The following LARGE1 variants were observed in gnomAD, a reference collection of about 807,000 sequenced individuals.
LARGE1 encodes xylosyl- and glucuronyltransferase LARGE1.
A neutral mutation model predicts 87.6 loss-of-function variants in LARGE1; 43 were observed. The ratio of observed to expected loss-of-function variants is 0.49; its 90% CI spans 0.38 to 0.63. The LOEUF is 0.63. Among genes scored for constraint, LARGE1 ranks in the 30% least tolerant of loss-of-function variants. The probability of loss-of-function intolerance (pLI) is 0.00; values close to 1 mark genes in which losing one functional copy is unlikely to be tolerated. For missense variants in LARGE1, 802 were observed against 1,000.2 expected, an observed-to-expected ratio of 0.80 and a Z score of 2.67; for synonymous variants, 434 against 394.6, an observed-to-expected ratio of 1.10 and a Z score of -1.18.
intron 1 of LARGE1, among the ~76,000 whole-genome samples, chr22:33,905,664 A>G (rs1406992967): frequency 6.6e-6 from 1 of 152,234 alleles, no homozygotes; most frequent in Non-Finnish European, 1.5e-5. Context: ...AAGTTTCAAC[A>G]CGTAAAAGAC....
chr22:33,302,064 C>A (rs1934222129), intron 12 of LARGE1, among the ~76,000 whole-genome samples: 1 of 152,154 alleles, frequency 6.6e-6, no homozygotes, highest in South Asian at 2.1e-4. Flanking sequence ...GGGGTCCAAT[C>A]CTGAAGCCTC....
At chr22:33,613,763 C>T (rs1034459210) in intron 4 of LARGE1, among the ~76,000 whole-genome samples, 6 of 152,222 alleles carry the variant, frequency 3.9e-5, no homozygotes, top group African/African-American at 9.6e-5. Flanking sequence ...GCATTCACTG[C>T]TGCATCCTAG....
intron 9 of LARGE1, among the ~76,000 whole-genome samples, chr22:33,349,223 C>T (rs757886403): frequency 6.6e-6 from 1 of 152,190 alleles, no homozygotes; most frequent in Non-Finnish European, 1.5e-5. Context: ...TCCTGGGAAT[C>T]CAGCTTGTAG....
intron 2 of LARGE1, among the ~76,000 whole-genome samples, chr22:33,688,384 T>C (rs2082002636): frequency 6.6e-6 from 1 of 152,174 alleles, no homozygotes; most frequent in African/African-American, 2.4e-5. Flanking sequence ...GGAGTTTTGC[T>C]CTTGTAACCC....
chr22:33,765,471 A>G (rs535486744), intron 1 of LARGE1, among the ~76,000 whole-genome samples: 1 of 152,220 alleles, frequency 6.6e-6, no homozygotes, highest in East Asian at 1.9e-4. Flanking sequence ...TGGCAGGCTG[A>G]GGCGGGCGGA....
chr22:33,079,221 C>CTTTTT, the LARGE1 span, among the ~76,000 whole-genome samples: 31 of 85,762 alleles, frequency 3.6e-4, no homozygotes, highest in East Asian at 7.3e-4. Flanking sequence ...AGTTATCATT[C>CTTTTT]TTTTTTTTTT....
chr22:33,555,471 G>A (rs1490751756), intron 6 of LARGE1, among the ~76,000 whole-genome samples: 1 of 152,116 alleles, frequency 6.6e-6, no homozygotes, highest in Non-Finnish European at 1.5e-5. Flanking sequence ...GGATTCAATG[G>A]GACAGTCAGG....
At chr22:33,716,395 T>C (rs538556163) in intron 2 of LARGE1, among the ~76,000 whole-genome samples, 2 of 152,310 alleles carry the variant, frequency 1.3e-5, no homozygotes, top group East Asian at 3.9e-4. Flanking sequence ...TGCTTTTGTT[T>C]TCTTTGTTGT....
chr22:33,236,433 T>C (rs1028931128), intron 11 of LARGE1, among the ~76,000 whole-genome samples: 1 of 152,234 alleles, frequency 6.6e-6, no homozygotes, highest in Non-Finnish European at 1.5e-5. Flanking sequence ...GAAATTCATA[T>C]GTTCTGTTTC....
intron 6 of LARGE1, among the ~76,000 whole-genome samples, chr22:33,547,793 C>CAAAAAAAAA (rs57220257): frequency 2.8e-5 from 1 of 35,746 alleles, no homozygotes; most frequent in African/African-American, 1.1e-4. Flanking sequence ...GACTCCATCT[C>CAAAAAAAAA]AAAAAAAAAA....
At chr22:33,887,722 A>G (rs11914012) in intron 1 of LARGE1, among the ~76,000 whole-genome samples, 33,011 of 151,524 alleles carry the variant, frequency 0.22, 3,638 homozygotes, top group Middle Eastern at 0.26. Context: ...AAGTGACAAG[A>G]GCAAGACTCC....
At chr22:33,255,961 C>G (rs1489533615) in intron 11 of LARGE1, among the ~76,000 whole-genome samples, 2 of 152,178 alleles carry the variant, frequency 1.3e-5, no homozygotes, top group African/African-American at 4.8e-5. Flanking sequence ...GGTTTCCTCT[C>G]TTCACCCCCT....
At chr22:33,175,022 A>C (rs1334827581) in intron 11 of LARGE1, among the ~76,000 whole-genome samples, 1 of 152,220 alleles carries the variant, frequency 6.6e-6, no homozygotes, top group African/African-American at 2.4e-5. Context: ...TGGCAGAGAC[A>C]CAACAAAAAA....
intron 1 of LARGE1, among the ~76,000 whole-genome samples, chr22:33,795,855 G>T (rs922173668): frequency 1.1e-4 from 17 of 152,042 alleles, no homozygotes; most frequent in Non-Finnish European, 1.8e-4. Flanking sequence ...GTCGTGGGGT[G>T]GGGGGAGGTG....
chr22:33,210,606 A>G (rs1023319997), intron 11 of LARGE1, among the ~76,000 whole-genome samples: 1 of 152,176 alleles, frequency 6.6e-6, no homozygotes, highest in Admixed American at 6.5e-5. Context: ...CCCTGCCCTT[A>G]AGTCACCGGC....
At position 33,650,622 on chromosome 22, in the gene LARGE1, G is replaced by A. The variant is rs747561958; in HGVS notation, c.153C>T (p.Ser51=). The change falls in exon 3 of 15, where the codon AGC becomes AGT. Residue 51 remains serine, a synonymous_variant. Coordinates refer to ENST00000397394, the MANE Select transcript of LARGE1 (RefSeq NM_133642.5). ...GCTGGCTGGAGGCCGTGTACCTGGG[G>A]CTGTGTGCCTGGGACTCCAGCGGTG... The part of the protein sequence containing the change: ...SLSPLESQAH[S]PRYTASSQRE... The A allele has an allele frequency of 1.2e-6, 2 of 1,603,664 alleles. No individual in the cohort carries two copies. Among genetic ancestry groups the A allele is most frequent in the Admixed American group, 3.3e-5 (2 of 60,008 alleles).
intron 6 of LARGE1, among the ~76,000 whole-genome samples, chr22:33,478,422 G>A (rs1276950644): frequency 1.3e-5 from 2 of 152,212 alleles, no homozygotes; most frequent in East Asian, 3.8e-4. Flanking sequence ...CTTGTGTTCT[G>A]CAAAATAGTC....
intron 5 of LARGE1, among the ~76,000 whole-genome samples, chr22:33,576,401 A>G (rs2078353482): frequency 6.6e-6 from 1 of 152,154 alleles, no homozygotes; most frequent in Admixed American, 6.5e-5. Flanking sequence ...AGACATAACA[A>G]ATAATTTCAG....
At chr22:33,691,694 T>C (rs932416909) in intron 2 of LARGE1, among the ~76,000 whole-genome samples, 3 of 152,210 alleles carry the variant, frequency 2.0e-5, no homozygotes, top group Non-Finnish European at 4.4e-5. Context: ...TAATAAGCAT[T>C]TGCAAAGGCC....
Sources: gnomAD v4.1 joint callset for allele counts (sites outside exome capture counted in the v4.1 genomes callset) on GRCh38, gnomAD v4.1.1 for gene constraint, MANE v1.5 for transcripts, NCBI Gene and HGNC (gene_info 2026-07-23, HGNC 2026-07-21) for gene names.